DIP2B: variants seen among roughly 807,000 people sequenced by gnomAD.
The protein encoded by DIP2B is DIP2 acetate--CoA ligase B (putative).
A neutral mutation model predicts 198.0 loss-of-function variants in DIP2B; 76 were observed. The ratio of observed to expected loss-of-function variants is 0.38; its 90% CI spans 0.32 to 0.46. DIP2B has a LOEUF of 0.46. DIP2B is among the 20% of genes least tolerant of loss of function. The pLI, the probability that DIP2B is intolerant of heterozygous loss-of-function variation, is 0.99. For missense variants in DIP2B, 1,559 were observed against 1,978.4 expected, an observed-to-expected ratio of 0.79 and a Z score of 4.02; for synonymous variants, 701 against 739.1, an observed-to-expected ratio of 0.95 and a Z score of 0.84.
At chr12:50,704,730 C>G (rs1025877222) in intron 20 of DIP2B, among the ~76,000 whole-genome samples, 1 of 152,038 alleles carries the variant, frequency 6.6e-6, no homozygotes, top group African/African-American at 2.4e-5. Context: ...TTTGGGAGGC[C>G]GAGGTGGGCG....
Position 50,708,531 on chromosome 12 carries a change from A to G in DIP2B, c.2618A>G (p.Asp873Gly), listed in dbSNP as rs766714501. Residue 873 changes from aspartate (D) to glycine (G), a missense_variant, in exon 22 of 38, where the codon GAT (aspartate) becomes GGT (glycine). Physicochemically the swap from Asp to Gly is moderately conservative, Grantham distance 94. Transcript: ENST00000301180. ...AEQRPDASEE[D>G]SFQWMSRVLQ... is the part of the protein sequence containing the mutation. The stretch of plus-strand genomic sequence containing the variant: ...CAAAGACCTGATGCTTCTGAGGAAG[A>G]TAGTTTCCAGTGGATGAGCCGCGTG... 36 of 1,604,740 alleles carry G rather than the reference A, an allele frequency of 2.2e-5. No individual in the cohort carries two copies. Among genetic ancestry groups the G allele is most frequent in the Middle Eastern group, 3.3e-4 (2 of 6,052 alleles).
At chr12:50,647,994 T>C (rs1286162424) in intron 3 of DIP2B, among the ~76,000 whole-genome samples, 1 of 152,038 alleles carries the variant, frequency 6.6e-6, no homozygotes, top group East Asian at 1.9e-4. Context: ...TAGTACCAGC[T>C]ATGCGAGAGA....
Position 50,724,806 on chromosome 12 carries a change from A to G in DIP2B, c.3320A>G (p.Gln1107Arg). 1 of 1,614,190 alleles carries G rather than the reference A, an allele frequency of 6.2e-7. No individual in the cohort carries two copies. Among genetic ancestry groups the G allele is most frequent in the Non-Finnish European group, 8.5e-7 (1 of 1,180,022 alleles). ...VSKAACILTS[Q>R]TLMRLLRSRE... ...AAAGCAGCCTGTATTCTCACCAGTC[A>G]GACCCTAATGAGGCTACTGAGGTCC... Residue 1107 changes from glutamine to arginine, a missense_variant, in exon 28 of 38, where the codon CAG becomes CGG. Transcript: ENST00000301180.
chr12:50,563,620 C>T (rs1489519869), intron 1 of DIP2B, among the ~76,000 whole-genome samples: 1 of 151,456 alleles, frequency 6.6e-6, no homozygotes, highest in Non-Finnish European at 1.5e-5. Flanking sequence ...CTAAGCCTCC[C>T]AAGTAGCTGG....
chr12:50,591,668 C>T (rs1401683462), intron 1 of DIP2B, among the ~76,000 whole-genome samples: 1 of 151,156 alleles, frequency 6.6e-6, no homozygotes, highest in Non-Finnish European at 1.5e-5. Context: ...CCATGTTGCC[C>T]AGACTGGTCT....
intron 1 of DIP2B, among the ~76,000 whole-genome samples, chr12:50,619,594 T>C (rs1937765584): frequency 6.6e-6 from 1 of 152,174 alleles, no homozygotes; most frequent in African/African-American, 2.4e-5. Flanking sequence ...GTGTTAGTCA[T>C]GTTTGTTTGC....
At chr12:50,730,274 T>C (rs1940015012) in intron 30 of DIP2B, among the ~76,000 whole-genome samples, 3 of 152,234 alleles carry the variant, frequency 2.0e-5, no homozygotes, top group African/African-American at 7.2e-5. Context: ...CCTTCTGGCC[T>C]TACTTCTCCA....
chr12:50,659,612 G>A (rs1180107083), intron 3 of DIP2B, among the ~76,000 whole-genome samples: 2 of 151,944 alleles, frequency 1.3e-5, no homozygotes, highest in Non-Finnish European at 2.9e-5. Flanking sequence ...ATTCCTATTA[G>A]ACATTCAAGT....
rs115245528 is a variant in DIP2B, at chr12:50,691,129, G to A, written c.1632G>A (p.Ser544=). Residue 544 remains serine (S), a synonymous_variant, in exon 13 of 38, where the codon TCG becomes TCA. Coordinates refer to ENST00000301180, the MANE Select transcript of DIP2B (RefSeq NM_173602.3). ...TGTTGTCTCACTGCCAAGCTCTGTC[G>A]CAGGCCTGCAATTATTCTGAAGGTC... is the stretch of plus-strand genomic sequence containing the variant. The part of the protein sequence containing the change: ...LAMLSHCQAL[S]QACNYSEGET... 2,152 of 1,613,962 alleles carry A rather than the reference G, an allele frequency of 1.3e-3. 27 individuals are homozygous for A. The African/African-American group carries it at 0.026, about 19-fold the overall frequency.
intron 17 of DIP2B, among the ~76,000 whole-genome samples, 191 bp from the exon 18 acceptor site, chr12:50,698,137 C>T (rs550083561): frequency 2.6e-5 from 4 of 152,302 alleles, no homozygotes; most frequent in African/African-American, 9.6e-5. Flanking sequence ...CTCAAGCAAT[C>T]CTCCTGCCAC....
At position 50,659,489 on chromosome 12, in the gene DIP2B, T is replaced by A. The variant is rs562183165; in HGVS notation, c.302-705T>A. On this transcript the variant is annotated intron_variant, in intron 3 of 37. Transcript: ENST00000301180. ...ATTTTGTAAGAGTTTTTTTTTTTTT[T>A]AGCGGGATACAAAATACTGTGTACA... Among the ~76,000 whole-genome samples the A allele has an allele frequency of 5.3e-4, 80 of 152,048 alleles. 1 individual carries two copies. Among genetic ancestry groups the A allele is most frequent in the African/African-American group, 1.7e-3 (71 of 41,478 alleles).
intron 3 of DIP2B, among the ~76,000 whole-genome samples, chr12:50,656,515 G>C (rs1320356633): frequency 6.6e-6 from 1 of 152,200 alleles, no homozygotes; most frequent in African/African-American, 2.4e-5. Context: ...GGAATAAAAT[G>C]AGAATCCATG....
intron 1 of DIP2B, among the ~76,000 whole-genome samples, chr12:50,549,169 T>C (rs111463364): frequency 0.092 from 13,695 of 148,448 alleles, 916 homozygotes; most frequent in African/African-American, 0.18. Context: ...GGGGGCTGGT[T>C]TAAAAAAAAA....
chr12:50,688,885 T>A (rs1939176148), intron 12 of DIP2B, among the ~76,000 whole-genome samples: 2 of 152,154 alleles, frequency 1.3e-5, no homozygotes, highest in Admixed American at 6.5e-5. Flanking sequence ...CTTGCTTAGC[T>A]CTCTGGCCTT....
At chr12:50,554,768 G>A (rs1416374214) in intron 1 of DIP2B, among the ~76,000 whole-genome samples, 2 of 143,770 alleles carry the variant, frequency 1.4e-5, no homozygotes, top group African/African-American at 2.6e-5. Context: ...CTCCCCCCCC[G>A]CCCCTTTTTT....
intron 1 of DIP2B, among the ~76,000 whole-genome samples, chr12:50,558,651 C>A (rs1315169347): frequency 1.3e-5 from 2 of 152,024 alleles, no homozygotes; most frequent in Non-Finnish European, 2.9e-5. Flanking sequence ...TTCCTCATAC[C>A]TCATTAAATG....
intron 9 of DIP2B, among the ~76,000 whole-genome samples, chr12:50,681,706 T>C (rs1939044831): frequency 6.6e-6 from 1 of 152,212 alleles, no homozygotes; most frequent in Non-Finnish European, 1.5e-5. Flanking sequence ...TTATTTTGAT[T>C]GGGCTTATGA....
intron 1 of DIP2B, among the ~76,000 whole-genome samples, chr12:50,543,167 C>T (rs577593671): frequency 6.6e-6 from 1 of 152,272 alleles, no homozygotes; most frequent in East Asian, 1.9e-4. Flanking sequence ...AGCCACCGTG[C>T]CTGTCCCAGA....
chr12:50,667,315 G>A (rs1019810052), intron 4 of DIP2B, among the ~76,000 whole-genome samples: 2 of 152,064 alleles, frequency 1.3e-5, no homozygotes, highest in African/African-American at 2.4e-5. Context: ...TTTCTGTTGC[G>A]TATTCGTTAT....
Sources: allele counts gnomAD v4.1 joint callset (sites outside exome capture counted in the v4.1 genomes callset), GRCh38; gene constraint gnomAD v4.1.1; transcripts MANE v1.5; gene names NCBI Gene and HGNC (gene_info 2026-07-23, HGNC 2026-07-21).